The following SNX13 variants were observed in gnomAD, a reference collection of about 807,000 sequenced individuals.
The protein encoded by SNX13 is sorting nexin-13.
SNX13 carries 45 observed loss-of-function variants against 133.6 expected under a neutral mutation model. The ratio of observed to expected loss-of-function variants is 0.34; its 90% CI spans 0.27 to 0.43. The LOEUF (loss-of-function observed/expected upper bound fraction) is 0.43. Among genes scored for constraint, SNX13 ranks in the 20% least tolerant of loss-of-function variants. SNX13 has a pLI of 1.00. For synonymous variants in SNX13, 414 were observed against 373.9 expected, an observed-to-expected ratio of 1.11 and a Z score of -1.24; for missense variants, 1,032 against 1,145.1, an observed-to-expected ratio of 0.90 and a Z score of 1.43.
chr7:17,856,389 G>GT (rs908768170), intron 9 of SNX13, among the ~76,000 whole-genome samples: 3 of 152,124 alleles, frequency 2.0e-5, no homozygotes, highest in Admixed American at 6.6e-5. Context: ...AAAGAAGACA[G>GT]TAAGAAGGAA....
At chr7:17,850,491 TAA>T in intron 10 of SNX13, 56 bp from the exon 11 acceptor site, 1 of 1,054,776 alleles carries the variant, frequency 9.5e-7, no homozygotes. Flanking sequence ...TGAAATACTT[TAA>T]ACATGCACTT....
rs115989308 is a variant in SNX13 at position 17,851,018 on chromosome 7, A to G, written c.838-54T>C. The G allele has an allele frequency of 1.3e-3, 2,057 of 1,536,272 alleles. 24 individuals are homozygous for G. In the African/African-American group the frequency reaches 0.024, roughly 18 times the overall value. ...GGAGAGGAACTCACTTATGAAAAGG[A>G]AAACTGAATCTTGAGTGCCTACTAT... On this transcript the variant is annotated intron_variant, in intron 9 of 25. Transcript: ENST00000428135.
At chr7:17,845,731 T>A in intron 11 of SNX13, 37 bp from the exon 12 acceptor site, 1 of 1,341,758 alleles carries the variant, frequency 7.5e-7, no homozygotes, top group Non-Finnish European at 1.0e-6. Flanking sequence ...ATATTTTATC[T>A]AATCATTCAT....
chr7:17,809,138 C>T (rs1391812080), intron 20 of SNX13, among the ~76,000 whole-genome samples: 10 of 151,770 alleles, frequency 6.6e-5, no homozygotes, highest in Admixed American at 1.3e-4. Context: ...GGCTAAATGC[C>T]GCCATGAAAA....
chr7:17,872,698 T>C (rs111732091), intron 8 of SNX13, among the ~76,000 whole-genome samples: 122 of 152,296 alleles, frequency 8.0e-4, no homozygotes, highest in Non-Finnish European at 1.4e-3. Flanking sequence ...AACAATAACA[T>C]GCAAGCATAA....
chr7:17,806,575 G>GAA (rs1439554263), intron 20 of SNX13, among the ~76,000 whole-genome samples: 1 of 152,086 alleles, frequency 6.6e-6, no homozygotes, highest in Admixed American at 6.5e-5. Context: ...TATGGTTTAT[G>GAA]AAAAATGTGT....
At chr7:17,833,673 T>C (rs1005227702) in intron 15 of SNX13, among the ~76,000 whole-genome samples, 2 of 151,718 alleles carry the variant, frequency 1.3e-5, no homozygotes, top group African/African-American at 4.8e-5. Flanking sequence ...AATAATGCTT[T>C]ATAGTTTATG....
At chr7:17,841,041 G>C (rs765508994) in intron 12 of SNX13, among the ~76,000 whole-genome samples, 1 of 152,054 alleles carries the variant, frequency 6.6e-6, no homozygotes, top group Non-Finnish European at 1.5e-5. Flanking sequence ...GAATTAGCTT[G>C]TACACAGCAA....
chr7:17,798,909 G>GA (rs1447150790), intron 23 of SNX13, 100 bp downstream of exon 23: 20 of 1,407,968 alleles, frequency 1.4e-5, no homozygotes, highest in Non-Finnish European at 1.8e-5. Context: ...AAGGCCCAGA[G>GA]AAAAAAATTC....
chr7:17,910,833 T>C (rs1030405302), intron 1 of SNX13, among the ~76,000 whole-genome samples: 9 of 152,122 alleles, frequency 5.9e-5, no homozygotes, highest in Non-Finnish European at 1.2e-4. Flanking sequence ...ATATAAAATA[T>C]CCAGAATACA....
At chr7:17,860,932 G>A (rs1320615770) in intron 9 of SNX13, among the ~76,000 whole-genome samples, 1 of 152,202 alleles carries the variant, frequency 6.6e-6, no homozygotes, top group African/African-American at 2.4e-5. Context: ...GGTAAGAATT[G>A]CACTGAATCG....
intron 8 of SNX13, among the ~76,000 whole-genome samples, chr7:17,873,001 G>GT (rs1446426243): frequency 6.6e-6 from 1 of 152,142 alleles, no homozygotes; most frequent in East Asian, 1.9e-4. Context: ...TAACTGTACA[G>GT]TTTTTAAAGT....
rs1243933898 is a variant in SNX13 at position 17,794,068 on chromosome 7, C to T, written c.2851G>A (p.Ala951Thr). The T allele has an allele frequency of 1.9e-6, 3 of 1,611,284 alleles. No homozygotes were observed. The change falls in exon 26 of 26, where the codon GCG becomes ACG. Residue 951 changes from alanine to threonine, a missense_variant. Physicochemically the swap from Ala to Thr is moderately conservative, Grantham distance 58 (BLOSUM62 0). Coordinates refer to ENST00000428135, the MANE Select transcript of SNX13 (RefSeq NM_015132.5). ...KYKQKLQTTQ[A>T]PSLQKR ...TGTCACCTTTTCTGCAAAGAAGGCG[C>T]TTGAGTAGTTTGAAGTTTCTGTTTA...
At chr7:17,884,833 C>T (rs1487855956) in intron 5 of SNX13, among the ~76,000 whole-genome samples, 1 of 152,168 alleles carries the variant, frequency 6.6e-6, no homozygotes, top group Non-Finnish European at 1.5e-5. Flanking sequence ...CTACTTCACA[C>T]TCACTAAGAT....
At position 17,937,030 on chromosome 7, in the gene SNX13, A is replaced by T. The variant is rs141215531; in HGVS notation, c.12+3254T>A. 4.8e-3 allele frequency among the ~76,000 whole-genome samples: 720 copies of T among 150,968 alleles called. 6 individuals are homozygous for T. Among genetic ancestry groups the T allele is most frequent in the African/African-American group, 0.016 (656 of 41,362 alleles). ...AAAAATAAAATAAAATAAAAAAAAA[A>T]AAACTAGCTAGACGTTACATACAGC... On this transcript the variant is annotated intron_variant, in intron 1 of 25. Coordinates refer to ENST00000428135, the MANE Select transcript of SNX13 (RefSeq NM_015132.5).
At chr7:17,936,314 G>A (rs1802018918) in intron 1 of SNX13, among the ~76,000 whole-genome samples, 1 of 152,014 alleles carries the variant, frequency 6.6e-6, no homozygotes, top group Non-Finnish European at 1.5e-5. Context: ...TGCATTTTTT[G>A]CCTTTTCCCA....
At chr7:17,805,257 G>GCGCGCGCGCGCGCA (rs1022329928) in intron 20 of SNX13, among the ~76,000 whole-genome samples, 15 of 146,906 alleles carry the variant, frequency 1.0e-4, no homozygotes, top group Non-Finnish European at 2.1e-4. Context: ...GTGTGCGTGC[G>GCGCGCGCGCGCGCA]CGCGCGCGCA....
intron 9 of SNX13, among the ~76,000 whole-genome samples, chr7:17,856,345 A>T (rs933790308): frequency 6.6e-6 from 1 of 152,248 alleles, no homozygotes; most frequent in Admixed American, 6.5e-5. Context: ...CAAGAAATTA[A>T]AACATACTAC....
chr7:17,893,902 G>A (rs371184710), intron 2 of SNX13, among the ~76,000 whole-genome samples: 4 of 151,254 alleles, frequency 2.6e-5, no homozygotes, highest in African/African-American at 7.3e-5. Flanking sequence ...AACCTGGGAG[G>A]CAGAGATTGC....
Sources: allele counts gnomAD v4.1 joint callset (sites outside exome capture counted in the v4.1 genomes callset), GRCh38; gene constraint gnomAD v4.1.1; transcripts MANE v1.5; gene names NCBI Gene and HGNC (gene_info 2026-07-23, HGNC 2026-07-21).